PCDH11X: variants seen among roughly 807,000 people sequenced by gnomAD.
The protein encoded by PCDH11X is protocadherin 11 X-linked, also known as protocadherin-11 X-linked.
In PCDH11X, 18 loss-of-function variants were observed where a neutral mutation model predicts 53.3. That is an observed-to-expected ratio of 0.34 (90% confidence interval 0.23 to 0.50). PCDH11X has a LOEUF of 0.50. Ranked by LOEUF, PCDH11X falls within the 20% of genes least tolerant of loss-of-function variation. The pLI, the probability that PCDH11X is intolerant of heterozygous loss-of-function variation, is 0.98. For missense variants in PCDH11X, 570 were observed against 1,032.4 expected, an observed-to-expected ratio of 0.55 and a Z score of 6.14; for synonymous variants, 279 against 393.3, an observed-to-expected ratio of 0.71 and a Z score of 3.44.
chrX:92,022,716 A>G (rs1426400052), intron 6 of PCDH11X, among the ~76,000 whole-genome samples: 1 of 111,577 alleles, frequency 9.0e-6, no homozygotes, highest in Non-Finnish European at 1.9e-5. Flanking sequence ...AACAGAGTAT[A>G]CATTCTTCTC....
At position 91,978,131 on chromosome X, in the gene PCDH11X, T is replaced by C. The variant is rs950332217; in HGVS notation, c.3033+98858T>C. Among the ~76,000 whole-genome samples the C allele has an allele frequency of 2.7e-5, 3 of 111,355 alleles. No individual in the cohort carries two copies. In the Admixed American group the frequency reaches 2.9e-4, roughly 11 times the overall value. ...CATGGTTCCAGTCTGCTTTTCCCAG[T>C]CCCTTCTTTTCCACTTTTTGTTAAC... On this transcript the variant is annotated intron_variant, in intron 6 of 10. Coordinates refer to ENST00000682573, the MANE Select transcript of PCDH11X (RefSeq NM_032968.5).
At chrX:92,088,101 T>C (rs2063989567) in intron 6 of PCDH11X, among the ~76,000 whole-genome samples, 1 of 107,591 alleles carries the variant, frequency 9.3e-6, no homozygotes, top group Admixed American at 1.0e-4. Context: ...ATTAAAGTTA[T>C]TACAGCTATA....
chrX:92,019,398 G>A (rs1473422069), intron 6 of PCDH11X, among the ~76,000 whole-genome samples: 1 of 110,049 alleles, frequency 9.1e-6, no homozygotes, highest in Non-Finnish European at 1.9e-5. Context: ...CCATTCAAAA[G>A]CAATATTATA....
At position 91,864,376 on chromosome X, in the gene PCDH11X, TTGTG is replaced by T. The variant is rs751742042; in HGVS notation, c.541-12381_541-12378del. Among the ~76,000 whole-genome samples the T allele has an allele frequency of 8.7e-4, 82 of 94,783 alleles. 4 individuals are homozygous for T. The South Asian group carries it at 0.03, about 34-fold the overall frequency. 82.3% of individuals were successfully genotyped at this position (94,783 alleles called of 115,157 possible). On this transcript the variant is annotated intron_variant, in intron 5 of 10. Transcript: ENST00000682573. ...TGCTTCCAGACGTATTGGAGCTCCA[TTGTG>T]TGTGTGTGTGTGTGTGTGTGTGTTT...
intron 6 of PCDH11X, among the ~76,000 whole-genome samples, chrX:91,894,654 C>G (rs767419513): frequency 9.0e-6 from 1 of 111,346 alleles, no homozygotes; most frequent in Admixed American, 9.6e-5. Context: ...TATGCCTTAA[C>G]TCTATTTCTA....
At chrX:92,091,537 G>A (rs752168810) in intron 6 of PCDH11X, among the ~76,000 whole-genome samples, 44 of 111,562 alleles carry the variant, frequency 3.9e-4, no homozygotes, top group Non-Finnish European at 6.4e-4. Flanking sequence ...TGTGCCCAAG[G>A]TGGTCGGGGC....
intron 8 of PCDH11X, among the ~76,000 whole-genome samples, chrX:92,271,442 C>T (rs747844326): frequency 2.3e-4 from 26 of 112,104 alleles, no homozygotes; most frequent in African/African-American, 5.5e-4. Flanking sequence ...TGAAAGTACA[C>T]TCCATAATGT....
At chrX:92,016,454 A>G (rs1243912026) in intron 6 of PCDH11X, among the ~76,000 whole-genome samples, 2 of 110,266 alleles carry the variant, frequency 1.8e-5, no homozygotes, top group Non-Finnish European at 3.8e-5. Flanking sequence ...TGTTCAGTGT[A>G]GCCACCTTCA....
At chrX:92,482,844 A>C (rs1382164007) in intron 10 of PCDH11X, among the ~76,000 whole-genome samples, 1 of 110,640 alleles carries the variant, frequency 9.0e-6, no homozygotes, top group Non-Finnish European at 1.9e-5. Context: ...TAGACTCCTT[A>C]TAAATAGTTT....
chrX:92,137,151 GC>G (rs1202748801), intron 6 of PCDH11X, among the ~76,000 whole-genome samples: 1 of 109,520 alleles, frequency 9.1e-6, no homozygotes. Flanking sequence ...ACTCCACTAT[GC>G]CCAGTTAGTC....
chrX:91,956,632 T>A (rs2061714545), intron 6 of PCDH11X, among the ~76,000 whole-genome samples: 1 of 109,447 alleles, frequency 9.1e-6, no homozygotes, highest in Non-Finnish European at 1.9e-5. Context: ...GCTGTTAGTC[T>A]GATGGGTTTC....
At chrX:91,918,207 G>A (rs1379097690) in intron 6 of PCDH11X, among the ~76,000 whole-genome samples, 2 of 110,153 alleles carry the variant, frequency 1.8e-5, no homozygotes, top group South Asian at 3.8e-4. Context: ...GGCTTGGCTG[G>A]GTTCATTGCC....
intron 10 of PCDH11X, among the ~76,000 whole-genome samples, chrX:92,532,588 A>T (rs1465380843): frequency 9.1e-6 from 1 of 109,600 alleles, no homozygotes; most frequent in East Asian, 2.9e-4. Flanking sequence ...ATTTAATAAT[A>T]TATTAAAAGG....
At chrX:91,828,141 A>G (rs1323926855) in intron 4 of PCDH11X, among the ~76,000 whole-genome samples, 2 of 80,029 alleles carry the variant, frequency 2.5e-5, no homozygotes, top group Non-Finnish European at 4.2e-5. Flanking sequence ...TTTTTTTGAG[A>G]TGGAGTCTCG....
At chrX:92,002,591 G>C (rs2062529190) in intron 6 of PCDH11X, among the ~76,000 whole-genome samples, 1 of 109,942 alleles carries the variant, frequency 9.1e-6, no homozygotes, top group African/African-American at 3.3e-5. Flanking sequence ...ATGTTTCATA[G>C]TTTTATCATA....
chrX:92,464,636 C>T (rs1324421625), intron 9 of PCDH11X, among the ~76,000 whole-genome samples: 3 of 110,910 alleles, frequency 2.7e-5, no homozygotes, highest in Non-Finnish European at 3.8e-5. Context: ...ACCTTACACA[C>T]AATTTGAATA....
At chrX:91,989,297 T>C (rs1281715066) in intron 6 of PCDH11X, among the ~76,000 whole-genome samples, 3 of 110,388 alleles carry the variant, frequency 2.7e-5, no homozygotes, top group African/African-American at 6.6e-5. Context: ...GCGCGGTGGC[T>C]CATGCCTGTA....
intron 10 of PCDH11X, among the ~76,000 whole-genome samples, chrX:92,512,571 T>C (rs974310052): frequency 9.0e-6 from 1 of 111,718 alleles, no homozygotes; most frequent in Non-Finnish European, 1.9e-5. Context: ...ACTTAAATGA[T>C]GATATGCAAA....
chrX:92,272,904 A>G (rs191434170), intron 8 of PCDH11X, among the ~76,000 whole-genome samples: 31 of 112,726 alleles, frequency 2.8e-4, no homozygotes, highest in African/African-American at 9.7e-4. Context: ...ATAACCTACT[A>G]TAGAATATCC....
Sources: allele counts gnomAD v4.1 joint callset (sites outside exome capture counted in the v4.1 genomes callset), GRCh38; gene constraint gnomAD v4.1.1; transcripts MANE v1.5; gene names NCBI Gene and HGNC (gene_info 2026-07-23, HGNC 2026-07-21).